SPMIP4: variants seen among roughly 807,000 people sequenced by gnomAD.
The protein encoded by SPMIP4 is sperm microtubule inner protein 4.
At chr7:25,155,468 T>C in the SPMIP4 span, among the ~76,000 whole-genome samples, 26,120 of 152,136 alleles carry the variant, frequency 0.17, 3,043 homozygotes, top group African/African-American at 0.34. Context: ...GTGAGTAAGT[T>C]TCATAACTCG....
the SPMIP4 span, among the ~76,000 whole-genome samples, chr7:25,166,755 G>A: frequency 6.6e-6 from 1 of 151,994 alleles, no homozygotes; most frequent in Non-Finnish European, 1.5e-5. Flanking sequence ...TTAGCTGGGC[G>A]TGGTGGCACA....
chr7:25,156,894 G>C, the SPMIP4 span, among the ~76,000 whole-genome samples: 1 of 152,034 alleles, frequency 6.6e-6, no homozygotes, highest in African/African-American at 2.4e-5. Flanking sequence ...TCACCATGTT[G>C]GCCAGGCTGG....
chr7:25,163,333 A>T, the SPMIP4 span, among the ~76,000 whole-genome samples: 1 of 152,184 alleles, frequency 6.6e-6, no homozygotes, highest in African/African-American at 2.4e-5. The surrounding 1 kb of genome is among the most constrained non-coding windows in gnomAD (Gnocchi z 4.4). Context: ...AGAAATAGCC[A>T]TATGTCTGTA....
the SPMIP4 span, chr7:25,142,222 GT>G: frequency 6.3e-7 from 1 of 1,582,254 alleles, no homozygotes; most frequent in Non-Finnish European, 8.7e-7. Flanking sequence ...ATAACTGAGA[GT>G]TGACTGCAAT....
the SPMIP4 span, chr7:25,151,775 A>G: frequency 1.5e-6 from 1 of 657,168 alleles, no homozygotes; most frequent in Non-Finnish European, 2.6e-6. Context: ...CAAGGTAGAG[A>G]TGGATGTTGG....
chr7:25,126,220 T>G, the SPMIP4 span, among the ~76,000 whole-genome samples: 1 of 152,168 alleles, frequency 6.6e-6, no homozygotes, highest in East Asian at 1.9e-4. Context: ...TACAATAAAT[T>G]ATTGTTGAGT....
At chr7:25,143,982 G>C in the SPMIP4 span, among the ~76,000 whole-genome samples, 6 of 152,222 alleles carry the variant, frequency 3.9e-5, no homozygotes, top group African/African-American at 1.4e-4. Context: ...CAGGGAGGGA[G>C]GGTGAAGACA....
the SPMIP4 span, among the ~76,000 whole-genome samples, chr7:25,145,266 G>A: frequency 6.6e-6 from 1 of 152,070 alleles, no homozygotes; most frequent in Admixed American, 6.6e-5. Context: ...GCCCGGCCAA[G>A]AAGGACTTTT....
chr7:25,157,058 G>GA, the SPMIP4 span, among the ~76,000 whole-genome samples: 134 of 146,606 alleles, frequency 9.1e-4, no homozygotes, highest in Middle Eastern at 3.5e-3. Flanking sequence ...ATGCTAAAAG[G>GA]AAAAAAAAAA....
At chr7:25,176,324 C>T in the SPMIP4 span, among the ~76,000 whole-genome samples, 2 of 152,290 alleles carry the variant, frequency 1.3e-5, no homozygotes, top group African/African-American at 2.4e-5. This position sits in a 1 kb window ranked among gnomAD's most constrained non-coding sequence, Gnocchi z 4.4. Context: ...AAATATAAAA[C>T]CTCACATTGC....
At chr7:25,158,872 T>A in the SPMIP4 span, among the ~76,000 whole-genome samples, 6 of 149,232 alleles carry the variant, frequency 4.0e-5, no homozygotes, top group Non-Finnish European at 4.5e-5. Context: ...AAAAAAATAA[T>A]AATAATGATA....
At chr7:25,133,271 G>T in the SPMIP4 span, among the ~76,000 whole-genome samples, 1 of 152,150 alleles carries the variant, frequency 6.6e-6, no homozygotes, top group Admixed American at 6.5e-5. Flanking sequence ...GGACAAATGA[G>T]TCCTAATTTT....
At chr7:25,166,581 T>A in the SPMIP4 span, among the ~76,000 whole-genome samples, 1 of 148,478 alleles carries the variant, frequency 6.7e-6, no homozygotes, top group African/African-American at 2.5e-5. Flanking sequence ...AGCAAGACTC[T>A]GTCTCAAAAA....
the SPMIP4 span, among the ~76,000 whole-genome samples, chr7:25,159,654 T>G: frequency 2.6e-5 from 4 of 152,292 alleles, no homozygotes; most frequent in Admixed American, 2.6e-4. Context: ...CCATATAAAT[T>G]TATTATCCTG....
chr7:25,176,773 T>C, the SPMIP4 span, among the ~76,000 whole-genome samples: 5 of 152,264 alleles, frequency 3.3e-5, no homozygotes, highest in East Asian at 9.6e-4. The surrounding 1 kb of genome is among the most constrained non-coding windows in gnomAD (Gnocchi z 4.4). Flanking sequence ...ATTTCTATGA[T>C]TTCTACATTA....
the SPMIP4 span, among the ~76,000 whole-genome samples, chr7:25,154,420 C>T: frequency 1.3e-5 from 2 of 152,162 alleles, no homozygotes; most frequent in Non-Finnish European, 1.5e-5. Flanking sequence ...CAGCAAAGAC[C>T]GAGGTGTCTA....
the SPMIP4 span, among the ~76,000 whole-genome samples, chr7:25,143,493 C>T: frequency 0.6 from 91,408 of 151,722 alleles, 28,590 homozygotes; most frequent in Non-Finnish European, 0.69. Flanking sequence ...CATCCAGGAA[C>T]ATATTGGCTA....
chr7:25,164,478 T>G, the SPMIP4 span, among the ~76,000 whole-genome samples: 2 of 152,120 alleles, frequency 1.3e-5, no homozygotes, highest in African/African-American at 4.8e-5. Flanking sequence ...TATAGCAGCC[T>G]TACACACAGG....
chr7:25,133,752 T>C, the SPMIP4 span, among the ~76,000 whole-genome samples: 5 of 152,218 alleles, frequency 3.3e-5, no homozygotes, highest in Admixed American at 3.3e-4. Flanking sequence ...GTACTCTCTG[T>C]ATCATTCATT....
Sources: gnomAD v4.1 joint callset for allele counts (sites outside exome capture counted in the v4.1 genomes callset) on GRCh38, gnomAD v4.1.1 for gene constraint, Gnocchi (gnomAD v3.1) non-coding constraint, MANE v1.5 for transcripts, NCBI Gene and HGNC (gene_info 2026-07-23, HGNC 2026-07-21) for gene names.